The following GPHN variants were observed in gnomAD, a reference collection of about 807,000 sequenced individuals.
The protein encoded by GPHN is gephyrin.
In GPHN, 17 loss-of-function variants were observed where a neutral mutation model predicts 95.5. The ratio of observed to expected loss-of-function variants is 0.18; its 90% CI spans 0.12 to 0.27. The LOEUF is 0.27. Ranked by LOEUF, GPHN falls within the 10% of genes least tolerant of loss-of-function variation. The probability of loss-of-function intolerance (pLI) is 1.00; values close to 1 mark genes in which losing one functional copy is unlikely to be tolerated. For missense variants in GPHN, 660 were observed against 978.1 expected (o/e 0.67, Z 4.34); for synonymous variants, 320 against 322.5 (o/e 0.99, Z 0.08).
the GPHN span, among the ~76,000 whole-genome samples, chr14:67,618,352 A>C: frequency 3.9e-5 from 6 of 152,174 alleles, no homozygotes; most frequent in East Asian, 1.2e-3. Flanking sequence ...GGTGCTCAAG[A>C]AGCAAGAAGT....
chr14:66,522,192 C>T (rs1369127162), intron 1 of GPHN, among the ~76,000 whole-genome samples: 2 of 152,088 alleles, frequency 1.3e-5, no homozygotes, highest in East Asian at 3.9e-4. Context: ...GAGTGGTTCT[C>T]TAAAGACATT....
chr14:67,104,834 A>G (rs2077946526), intron 13 of GPHN, among the ~76,000 whole-genome samples: 1 of 151,738 alleles, frequency 6.6e-6, no homozygotes, highest in Admixed American at 6.6e-5. Flanking sequence ...TTTAGTCTCA[A>G]TTTCATTTGT....
At chr14:67,204,660 C>A in the GPHN span, 2 of 1,613,766 alleles carry the variant, frequency 1.2e-6, no homozygotes, top group African/African-American at 2.7e-5. Context: ...ATAAACAGGA[C>A]ACCTTGTTTT....
chr14:67,530,981 G>A, the GPHN span, among the ~76,000 whole-genome samples: 1 of 152,202 alleles, frequency 6.6e-6, no homozygotes, highest in South Asian at 2.1e-4. Flanking sequence ...CAGTTGACAA[G>A]TCCCCATCCC....
the GPHN span, among the ~76,000 whole-genome samples, chr14:67,550,972 A>C: frequency 6.6e-6 from 1 of 152,254 alleles, no homozygotes; most frequent in Non-Finnish European, 1.5e-5. Flanking sequence ...ATGCATGTAC[A>C]GTGCTTATGA....
chr14:67,724,430 C>A, the GPHN span: 1 of 1,161,088 alleles, frequency 8.6e-7, no homozygotes, highest in Non-Finnish European at 1.3e-6. Context: ...AGTGTGAGCT[C>A]GTGAAGGATG....
chr14:67,522,115 G>A, the GPHN span, among the ~76,000 whole-genome samples: 1 of 152,242 alleles, frequency 6.6e-6, no homozygotes, highest in South Asian at 2.1e-4. Context: ...GGAGGTTGCA[G>A]TGAGCTGAGA....
At chr14:66,562,962 G>C (rs545603508) in intron 1 of GPHN, among the ~76,000 whole-genome samples, 59 of 152,076 alleles carry the variant, frequency 3.9e-4, no homozygotes, top group African/African-American at 1.3e-3. Flanking sequence ...GGCGTATTTT[G>C]GGGTGGCATA....
the GPHN span, chr14:67,541,958 C>G: frequency 1.2e-6 from 2 of 1,607,794 alleles, no homozygotes; most frequent in Admixed American, 3.4e-5. Flanking sequence ...GTTCCGCCTA[C>G]AGGCCAGCAA....
the GPHN span, chr14:67,383,806 C>A: frequency 3.5e-6 from 1 of 282,548 alleles, no homozygotes; most frequent in Admixed American, 4.8e-5. Flanking sequence ...CAATCCCAAT[C>A]TTTCTATATA....
the GPHN span, chr14:67,677,441 CA>C: frequency 7.2e-6 from 1 of 139,816 alleles, no homozygotes; most frequent in Non-Finnish European, 1.5e-5. Flanking sequence ...TGCTTGCCCT[CA>C]ATTCCTCCAT....
At chr14:66,639,279 A>G (rs1038614744) in intron 1 of GPHN, among the ~76,000 whole-genome samples, 37 of 152,224 alleles carry the variant, frequency 2.4e-4, no homozygotes, top group African/African-American at 7.0e-4. Context: ...CATCAAAACT[A>G]TAAGCTAAAG....
intron 1 of GPHN, among the ~76,000 whole-genome samples, chr14:66,640,694 G>C (rs924081721): frequency 1.3e-5 from 2 of 152,138 alleles, no homozygotes; most frequent in Non-Finnish European, 2.9e-5. Context: ...GTAAATATTT[G>C]ATTTTAGGAA....
At chr14:67,519,818 G>T in the GPHN span, among the ~76,000 whole-genome samples, 1 of 151,904 alleles carries the variant, frequency 6.6e-6, no homozygotes, top group Non-Finnish European at 1.5e-5. Context: ...GAACTCCTAG[G>T]CTCAAGCGAT....
At chr14:67,127,324 A>AT (rs954417413) in intron 17 of GPHN, among the ~76,000 whole-genome samples, 1 of 141,280 alleles carries the variant, frequency 7.1e-6, no homozygotes, top group Admixed American at 7.1e-5. Flanking sequence ...AAGTTTGGGT[A>AT]TTTTTTGGTT....
At chr14:67,659,537 C>G in the GPHN span, among the ~76,000 whole-genome samples, 1 of 150,068 alleles carries the variant, frequency 6.7e-6, no homozygotes, top group East Asian at 1.9e-4. Context: ...GCATATAGTT[C>G]GAAAGGCCTG....
chr14:66,889,882 G>GA (rs998598971), intron 5 of GPHN, among the ~76,000 whole-genome samples: 18 of 149,908 alleles, frequency 1.2e-4, no homozygotes, highest in South Asian at 4.2e-4. Context: ...GATAGACTAA[G>GA]AAAAAAAAAG....
chr14:66,930,402 G>A (rs1299804466), intron 8 of GPHN, among the ~76,000 whole-genome samples: 4 of 151,886 alleles, frequency 2.6e-5, no homozygotes, highest in African/African-American at 9.7e-5. Context: ...AACTTTGATT[G>A]CTAGGAGTTA....
the GPHN span, among the ~76,000 whole-genome samples, chr14:67,332,409 A>G: frequency 6.6e-6 from 1 of 152,196 alleles, no homozygotes; most frequent in Admixed American, 6.5e-5. Flanking sequence ...TTCACTCCAT[A>G]TTACAGATGT....
Sources: allele counts gnomAD v4.1 joint callset (sites outside exome capture counted in the v4.1 genomes callset), GRCh38; gene constraint gnomAD v4.1.1; transcripts MANE v1.5; gene names NCBI Gene and HGNC (gene_info 2026-07-23, HGNC 2026-07-21).